CRYBB2: variants seen among roughly 807,000 people sequenced by gnomAD.
The protein encoded by CRYBB2 is beta-crystallin B2.
Under a neutral mutation model 24.3 loss-of-function variants are expected in CRYBB2, and 12 were observed. The observed-to-expected ratio is 0.49, with a 90% CI of 0.32 to 0.80. The LOEUF (loss-of-function observed/expected upper bound fraction) is 0.80, where lower values mean the gene tolerates loss of function less well. CRYBB2 is among the 30% of genes least tolerant of loss of function. The probability of loss-of-function intolerance (pLI) is 0.04; values close to 1 mark genes in which losing one functional copy is unlikely to be tolerated. For missense variants in CRYBB2, 198 were observed against 268.5 expected (o/e 0.74, Z 1.83); for synonymous variants, 98 against 101.6 (o/e 0.96, Z 0.21).
At chr22:25,218,201 G>A (rs930890691), upstream of CRYBB2, among the ~76,000 whole-genome samples, 5 of 151,694 alleles carry the variant, frequency 3.3e-5, no homozygotes, top group African/African-American at 4.8e-5. Context: ...AGAGCTTGCA[G>A]TGAGCTGAGA....
upstream of CRYBB2, among the ~76,000 whole-genome samples, chr22:25,218,736 G>GA (rs1935236591): frequency 1.1e-4 from 4 of 35,328 alleles, no homozygotes; most frequent in African/African-American, 3.0e-4. Context: ...GAGAGAGAGG[G>GA]GAGAGAGAGA....
chr22:25,223,102 T>C (rs887511037), intron 2 of CRYBB2, among the ~76,000 whole-genome samples: 4 of 152,206 alleles, frequency 2.6e-5, no homozygotes, highest in African/African-American at 9.6e-5. Context: ...TCTGAGCTTC[T>C]GGGCTTTCAA....
At chr22:25,219,465 T>C (rs1374223921), upstream of CRYBB2, 1 of 152,276 alleles carries the variant, frequency 6.6e-6, no homozygotes, top group Non-Finnish European at 1.5e-5. Flanking sequence ...ATCTGAAAGC[T>C]AATGACATTA....
rs747390495 is a variant in CRYBB2 at position 25,224,123 on chromosome 22, C to CAA, written c.55-784_55-783dup. Among the ~76,000 whole-genome samples the CAA allele has an allele frequency of 1.8e-3, 111 of 62,372 alleles. 5 individuals carry two copies. Among genetic ancestry groups the CAA allele is most frequent in the African/African-American group, 4.8e-3 (82 of 17,072 alleles). 40.9% of individuals were successfully genotyped at this position (62,372 alleles called of 152,430 possible). ...TGGGCGACAGAGTGAGACTCCGTCT[C>CAA]AAAAAAAAAAAACAAAAAACCTCAC... is the stretch of plus-strand genomic sequence containing the variant. On this transcript the variant is annotated intron_variant, in intron 2 of 5. Transcript: ENST00000398215.
rs143569340 is a variant in CRYBB2, at chr22:25,228,116, G to A, written c.306+131G>A. 2.8e-3 allele frequency: 3,881 copies of A among 1,393,254 alleles called. 91 individuals are homozygous for A. In the African/African-American group the frequency reaches 0.05, roughly 18 times the overall value. The allele number at this position is 1,393,254 out of a possible 1,614,324, so 86.3% of individuals were successfully genotyped here. A position where few individuals can be genotyped will look rare whatever the true frequency, so the allele number is the denominator to read the frequency against. On this transcript the variant is annotated intron_variant, in intron 4 of 5. Coordinates refer to ENST00000398215, the MANE Select transcript of CRYBB2 (RefSeq NM_000496.3). ...CTCTAGCACTGTGCCCCTTCTGATT[G>A]GTGAGGAACCTCCTCACTGGGTGAC...
chr22:25,216,999 C>T (rs1362655371), upstream of CRYBB2, among the ~76,000 whole-genome samples: 4 of 152,198 alleles, frequency 2.6e-5, no homozygotes, highest in African/African-American at 9.7e-5. Flanking sequence ...GGATAGACCA[C>T]ATAGTGTTTA....
upstream of CRYBB2, among the ~76,000 whole-genome samples, chr22:25,218,779 G>GAGAAGA (rs1935251085): frequency 3.2e-4 from 11 of 34,514 alleles, no homozygotes; most frequent in South Asian, 1.2e-3. Flanking sequence ...GAGAGAGAGA[G>GAGAAGA]AAGAAAGAAA....
Position 25,227,958 on chromosome 22 carries a change from C to T in CRYBB2, c.279C>T (p.Ser93=), listed in dbSNP as rs371287851. ...DSWTSSRRTD[S]LSSLRPIKVD... ...GGACCAGCAGCCGAAGGACGGACTC[C>T]CTCAGCTCCCTGAGGCCCATCAAAG... The change falls in exon 4 of 6, where the codon TCC becomes TCT. Residue 93 remains serine, a synonymous_variant. Transcript: ENST00000398215. The T allele has an allele frequency of 3.0e-5, 48 of 1,614,022 alleles. No individual in the cohort carries two copies. Among genetic ancestry groups the T allele is most frequent in the Non-Finnish European group, 4.0e-5 (47 of 1,180,026 alleles).
intron 1 of CRYBB2, among the ~76,000 whole-genome samples, chr22:25,220,268 A>G (rs746253602): frequency 4.6e-5 from 7 of 152,230 alleles, no homozygotes; most frequent in Non-Finnish European, 1.0e-4. Flanking sequence ...TATACATTAC[A>G]TAATTGAATC....
upstream of CRYBB2, among the ~76,000 whole-genome samples, chr22:25,216,533 G>A (rs1458690583): frequency 2.6e-5 from 4 of 152,222 alleles, no homozygotes; most frequent in African/African-American, 9.6e-5. Flanking sequence ...AGAACCCCTG[G>A]AGCAGGCATG....
At position 25,221,512 on chromosome 22, in the gene CRYBB2, C is replaced by G. The variant is rs758568953; in HGVS notation, c.54+29C>G. 3 of 1,554,580 alleles carry G rather than the reference C, an allele frequency of 1.9e-6. No homozygotes were observed. The South Asian group carries it at 3.3e-5, about 17-fold the overall frequency. On this transcript the variant is annotated intron_variant, in intron 2 of 5. Coordinates refer to ENST00000398215, the MANE Select transcript of CRYBB2 (RefSeq NM_000496.3). The stretch of plus-strand genomic sequence containing the variant: ...GGTACCTCTCAGAGGAGGGGGCATG[C>G]AATGCTCCTCCCCCAGACTTAGTTG...
chr22:25,221,345 C>A, intron 1 of CRYBB2, 59 bp from the exon 2 acceptor site: 1 of 1,042,712 alleles, frequency 9.6e-7, no homozygotes, highest in Non-Finnish European at 1.5e-6. Flanking sequence ...CAAGGCCCCA[C>A]AGAGTGAAAA....
Position 25,231,702 on chromosome 22 carries a change from A to T in CRYBB2, c.548A>T (p.Gln183Leu), listed in dbSNP as rs765024256. ...AGCGACTTTGGGGCCCCTCACCCCC[A>T]GGTGCAGTCCGTGCGCCGTATCCGC... is the stretch of plus-strand genomic sequence containing the variant. The part of the protein sequence containing the change: ...DSSDFGAPHP[Q>L]VQSVRRIRDM... The change falls in exon 6 of 6, where the codon CAG (glutamine) becomes CTG (leucine). Residue 183 changes from glutamine to leucine, a missense_variant. Physicochemically the swap from Gln to Leu is moderately radical, Grantham distance 113 (BLOSUM62 -2). Coordinates refer to ENST00000398215, the MANE Select transcript of CRYBB2 (RefSeq NM_000496.3). 5 of 1,614,132 alleles carry T rather than the reference A, an allele frequency of 3.1e-6. No homozygotes were observed. Among genetic ancestry groups the T allele is most frequent in the Non-Finnish European group, 4.2e-6 (5 of 1,179,994 alleles).
upstream of CRYBB2, among the ~76,000 whole-genome samples, chr22:25,218,708 GAGAGAGAGA>G (rs1935228951): frequency 5.5e-5 from 2 of 36,446 alleles, no homozygotes; most frequent in African/African-American, 1.8e-4. Flanking sequence ...GAGAGAGGGG[GAGAGAGAGA>G]GAGAGAGAGA....
upstream of CRYBB2, among the ~76,000 whole-genome samples, chr22:25,218,806 GAAAGAAAGA>G (rs1935260712): frequency 8.6e-6 from 1 of 116,768 alleles, no homozygotes; most frequent in African/African-American, 3.6e-5. Context: ...AAGAAAGAAA[GAAAGAAAGA>G]AAGAAAGAAA....
intron 4 of CRYBB2, among the ~76,000 whole-genome samples, chr22:25,229,025 T>TGTGG (rs1935479204): frequency 6.8e-6 from 1 of 146,784 alleles, no homozygotes; most frequent in African/African-American, 2.6e-5. Context: ...GGTGTGCACG[T>TGTGG]GTGTGCGTGC....
upstream of CRYBB2, among the ~76,000 whole-genome samples, chr22:25,218,927 C>A (rs536661460): frequency 2.6e-5 from 4 of 152,144 alleles, no homozygotes; most frequent in Non-Finnish European, 5.9e-5. Flanking sequence ...CCTGGCCCTG[C>A]AACATCAGGC....
chr22:25,223,360 G>A (rs188540005), intron 2 of CRYBB2, among the ~76,000 whole-genome samples: 59 of 152,224 alleles, frequency 3.9e-4, no homozygotes, highest in African/African-American at 1.2e-3. Context: ...CACAAGCAGC[G>A]CAAATACTAT....
intron 1 of CRYBB2, among the ~76,000 whole-genome samples, chr22:25,220,612 G>A (rs1355597613): frequency 1.3e-5 from 2 of 152,208 alleles, no homozygotes; most frequent in African/African-American, 4.8e-5. Flanking sequence ...GCTTCTGGAA[G>A]CTGGCGTTAT....
Sources: allele counts gnomAD v4.1 joint callset (sites outside exome capture counted in the v4.1 genomes callset), GRCh38; gene constraint gnomAD v4.1.1; transcripts MANE v1.5; gene names NCBI Gene and HGNC (gene_info 2026-07-23, HGNC 2026-07-21).